The following UBR1 variants were observed in gnomAD, a reference collection of about 807,000 sequenced individuals.
UBR1 encodes the protein E3 ubiquitin-protein ligase UBR1.
In UBR1, 102 loss-of-function variants were observed where a neutral mutation model predicts 242.1. That is an observed-to-expected ratio of 0.42 (90% CI 0.36 to 0.50). UBR1 has a LOEUF of 0.50. Ranked by LOEUF, UBR1 falls within the 20% of genes least tolerant of loss-of-function variation. The pLI is 0.01. For missense variants in UBR1, 1,772 were observed against 2,101.8 expected, an observed-to-expected ratio of 0.84 and a Z score of 3.07; for synonymous variants, 675 against 684.8, an observed-to-expected ratio of 0.99 and a Z score of 0.22.
At chr15:43,055,031 T>C (rs1461442007) in intron 11 of UBR1, 132 bp from the exon 12 acceptor site, 36 of 1,084,256 alleles carry the variant, frequency 3.3e-5, no homozygotes, top group Non-Finnish European at 4.6e-5. Flanking sequence ...ACACAGTCCT[T>C]AGTTTCACTG....
chr15:42,985,752 G>T (rs1212530531), intron 35 of UBR1, among the ~76,000 whole-genome samples: 1 of 152,056 alleles, frequency 6.6e-6, no homozygotes, highest in Non-Finnish European at 1.5e-5. Flanking sequence ...ACTTTGGGTG[G>T]GTGAGGCAGG....
At chr15:43,001,823 T>C (rs1055701983) in intron 32 of UBR1, among the ~76,000 whole-genome samples, 17 of 152,186 alleles carry the variant, frequency 1.1e-4, no homozygotes, top group Admixed American at 8.5e-4. Context: ...TTAACATTTG[T>C]CCATATCTCT....
At chr15:43,043,898 T>C (rs971012509) in intron 14 of UBR1, among the ~76,000 whole-genome samples, 5 of 151,982 alleles carry the variant, frequency 3.3e-5, no homozygotes, top group African/African-American at 9.7e-5. Flanking sequence ...ATAAGTACCA[T>C]GTAAATGGTA....
chr15:42,970,453 C>T (rs778360740), intron 40 of UBR1, 67 bp downstream of exon 40: 16 of 1,481,458 alleles, frequency 1.1e-5, no homozygotes, highest in African/African-American at 8.3e-5. Context: ...TCAAATGTTA[C>T]GTTGCCAAAC....
intron 32 of UBR1, among the ~76,000 whole-genome samples, chr15:43,001,117 G>A (rs546732522): frequency 1.3e-5 from 2 of 151,672 alleles, no homozygotes; most frequent in South Asian, 4.2e-4. Flanking sequence ...TCAGGCGTGA[G>A]GCACTGTGCC....
intron 35 of UBR1, chr15:42,988,418 C>T (rs141454036): frequency 8.9e-6 from 2 of 225,084 alleles, no homozygotes; most frequent in Non-Finnish European, 1.8e-5. Context: ...CTTCAGCTTC[C>T]TGATTACCTA....
At chr15:43,082,373 A>G (rs1161483952) in intron 3 of UBR1, among the ~76,000 whole-genome samples, 4 of 152,192 alleles carry the variant, frequency 2.6e-5, no homozygotes, top group Non-Finnish European at 5.9e-5. Context: ...CTTGTTCTCA[A>G]AAGTTGTTAT....
chr15:43,105,544 G>A (rs1279379493), intron 1 of UBR1, among the ~76,000 whole-genome samples: 1 of 152,090 alleles, frequency 6.6e-6, no homozygotes, highest in African/African-American at 2.4e-5. Flanking sequence ...TCAGGTCCCG[G>A]CCAGCAGGCT....
chr15:43,021,496 TA>T, intron 26 of UBR1, 121 bp from the exon 27 acceptor site: 1 of 820,470 alleles, frequency 1.2e-6, no homozygotes, highest in South Asian at 1.4e-5. Context: ...TTCCCTTATG[TA>T]AAATGGTGTA....
At chr15:43,083,253 TGAAA>T (rs1230590444) in intron 2 of UBR1, among the ~76,000 whole-genome samples, 1 of 152,224 alleles carries the variant, frequency 6.6e-6, no homozygotes, top group East Asian at 1.9e-4. Context: ...ATTGAACAAA[TGAAA>T]GAAATTCAAT....
rs2033441181 is a variant in UBR1 at position 43,043,217 on chromosome 15, G to A, written c.1847C>T (p.Ala616Val). 6.2e-7 allele frequency: 1 copy of A among 1,614,032 alleles called. No homozygotes were observed. The highest frequency in any genetic ancestry group is 1.3e-5 in the African/African-American group (1 of 75,016). The change falls in exon 15 of 47, where the codon GCT becomes GTT. Residue 616 changes from alanine (A) to valine (V), a missense_variant and splice_region_variant. By Grantham distance (64) the Ala-to-Val change is moderately conservative. Transcript: ENST00000290650. ...SIHLPLSRTLAGLHVRLSRLG... is the reference protein window; with the variant it reads ...SIHLPLSRTLVGLHVRLSRLG... ...AAAAAGAAAAAACAAACACTCACCA[G>A]CAAGGGTCCTAGAGAGTGGCAGATG...
intron 6 of UBR1, among the ~76,000 whole-genome samples, chr15:43,061,568 T>C (rs1312478022): frequency 2.0e-5 from 3 of 151,934 alleles, no homozygotes; most frequent in Non-Finnish European, 4.4e-5. Context: ...CACATATGTA[T>C]ATATACACAC....
intron 33 of UBR1, among the ~76,000 whole-genome samples, chr15:42,997,010 C>G (rs1015892131): frequency 5.3e-5 from 8 of 152,174 alleles, no homozygotes; most frequent in African/African-American, 1.9e-4. Flanking sequence ...GAGTACCAGT[C>G]TATGGCCTGT....
In UBR1 at chr15:43,056,345, A is replaced by C. The variant is rs1158249054; in HGVS notation, c.1280T>G (p.Leu427Arg). ...TGAAAAGGAATAATCAATACATACCAGAGTAGGAACAGTAAACATCTGAAC... is the reference window on the plus strand; with the variant it reads ...TGAAAAGGAATAATCAATACATACCCGAGTAGGAACAGTAAACATCTGAAC... Reference protein sequence around the residue: ...LSVQMFTVPTLARHLIEEQNV... With the variant: ...LSVQMFTVPTRARHLIEEQNV... The change falls in exon 11 of 47, where the codon CTG (leucine) becomes CGG (arginine). Residue 427 changes from leucine (L) to arginine (R), a missense_variant and splice_region_variant. Coordinates refer to ENST00000290650, the MANE Select transcript of UBR1 (RefSeq NM_174916.3). 6.2e-7 allele frequency: 1 copy of C among 1,602,878 alleles called. No homozygotes were observed. Among genetic ancestry groups the C allele is most frequent in the Non-Finnish European group, 8.5e-7 (1 of 1,169,912 alleles).
At chr15:42,954,409 A>G (rs759491832) in intron 44 of UBR1, among the ~76,000 whole-genome samples, 8 of 152,178 alleles carry the variant, frequency 5.3e-5, no homozygotes, top group Non-Finnish European at 1.0e-4. Context: ...ATACTGTAAC[A>G]GTGGCTAGGG....
Position 43,069,346 on chromosome 15 carries a change from G to A in UBR1, c.660-1310C>T, listed in dbSNP as rs1310227541. On this transcript the variant is annotated intron_variant, in intron 5 of 46. Coordinates refer to ENST00000290650, the MANE Select transcript of UBR1 (RefSeq NM_174916.3). Reference sequence around the variant, plus strand: ...GGCTGGAGTGCAGTGGCGCAATCTCGGCTCACTGCAAGCTCTGCCTCCTGG... The same window carrying A: ...GGCTGGAGTGCAGTGGCGCAATCTCAGCTCACTGCAAGCTCTGCCTCCTGG... Among the ~76,000 whole-genome samples the A allele has an allele frequency of 4.0e-5, 6 of 150,870 alleles. No individual in the cohort carries two copies. The East Asian group carries it at 9.7e-4, about 24-fold the overall frequency.
At chr15:42,997,138 A>C (rs989734840) in intron 33 of UBR1, among the ~76,000 whole-genome samples, 1 of 152,192 alleles carries the variant, frequency 6.6e-6, no homozygotes, top group Non-Finnish European at 1.5e-5. Context: ...GCCTCCTGCC[A>C]GATCAGCAGC....
intron 1 of UBR1, among the ~76,000 whole-genome samples, chr15:43,100,020 C>T (rs368070838): frequency 1.3e-5 from 2 of 152,008 alleles, no homozygotes; most frequent in African/African-American, 4.8e-5. Context: ...GGACTACAGG[C>T]GCCCGCCATC....
intron 35 of UBR1, among the ~76,000 whole-genome samples, chr15:42,985,415 C>T (rs1442208469): frequency 2.6e-5 from 4 of 152,038 alleles, no homozygotes; most frequent in East Asian, 1.9e-4. Flanking sequence ...TGCAATGGCG[C>T]GATCTCGGCT....
Sources: allele counts gnomAD v4.1 joint callset (sites outside exome capture counted in the v4.1 genomes callset), GRCh38; gene constraint gnomAD v4.1.1; transcripts MANE v1.5; gene names NCBI Gene and HGNC (gene_info 2026-07-23, HGNC 2026-07-21).